Variants in TRAPPC3L observed in about 807,000 individuals in gnomAD.
The protein encoded by TRAPPC3L is trafficking protein particle complex subunit 3L, also known as trafficking protein particle complex subunit 3-like protein.
In TRAPPC3L, 23 loss-of-function variants were observed where a neutral mutation model predicts 23.7. That is an observed-to-expected ratio of 0.97 (90% confidence interval 0.70 to 1.37). The LOEUF (loss-of-function observed/expected upper bound fraction) is 1.37, where lower values mean the gene tolerates loss of function less well. Ranked by LOEUF, TRAPPC3L falls within the 40% of genes most tolerant of loss-of-function variation. The probability of loss-of-function intolerance (pLI) is 0.00; values close to 1 mark genes in which losing one functional copy is unlikely to be tolerated. For missense variants in TRAPPC3L, 212 were observed against 216.8 expected, an observed-to-expected ratio of 0.98 and a Z score of 0.14; for synonymous variants, 81 against 77.9, an observed-to-expected ratio of 1.04 and a Z score of -0.21.
At position 116,512,226 on chromosome 6, in the gene TRAPPC3L, C is replaced by T. The variant is rs201238364; in HGVS notation, c.241-11560G>A. ...GAAGAACTGAAACTCTCCCTTCAGG[C>T]CCAGTCTCAGGTAAGAAAAGACAAA... On this transcript the variant is annotated intron_variant, in intron 3 of 4. Transcript: ENST00000368602. 340 of 1,596,588 alleles carry T rather than the reference C, an allele frequency of 2.1e-4. No homozygotes were observed. The highest frequency in any genetic ancestry group is 2.8e-4 in the Non-Finnish European group (328 of 1,175,280).
intron 3 of TRAPPC3L, among the ~76,000 whole-genome samples, chr6:116,535,347 G>T (rs557278799): frequency 1.3e-5 from 2 of 152,276 alleles, no homozygotes; most frequent in South Asian, 4.1e-4. Context: ...CACTACATTG[G>T]ACATGGTTAG....
chr6:116,522,304 AC>A (rs1452390783), intron 3 of TRAPPC3L: 1 of 152,164 alleles, frequency 6.6e-6, no homozygotes, highest in Admixed American at 6.5e-5. Flanking sequence ...CAACTCCATG[AC>A]CCCAAAAATC....
intron 3 of TRAPPC3L, among the ~76,000 whole-genome samples, chr6:116,530,653 T>C (rs977916197): frequency 5.3e-5 from 8 of 152,246 alleles, no homozygotes; most frequent in African/African-American, 1.9e-4. Context: ...GCATTAACAA[T>C]GTGGTTTCAC....
Position 116,511,106 on chromosome 6 carries a change from G to GTATATA in TRAPPC3L, c.241-10446_241-10441dup, listed in dbSNP as rs59896067. ...GTGCACTAAAATCTCATATATATAT[G>GTATATA]TATATATATATATATGTATATTTAT... On this transcript the variant is annotated intron_variant, in intron 3 of 4. Transcript: ENST00000368602. Among the ~76,000 whole-genome samples, 725 of 140,804 alleles carry GTATATA rather than the reference G, an allele frequency of 5.1e-3. 6 individuals are homozygous for GTATATA. The highest frequency in any genetic ancestry group is 0.023 in the Middle Eastern group (6 of 266). The allele number at this position is 140,804 out of a possible 152,430, so 92.4% of individuals were successfully genotyped here.
chr6:116,528,066 A>C (rs1435526313), intron 3 of TRAPPC3L, among the ~76,000 whole-genome samples: 1 of 152,258 alleles, frequency 6.6e-6, no homozygotes, highest in Non-Finnish European at 1.5e-5. Flanking sequence ...AAAATGGAAG[A>C]TGGACATTCA....
At chr6:116,511,217 T>TTA (rs1554233716) in intron 3 of TRAPPC3L, among the ~76,000 whole-genome samples, 1 of 147,484 alleles carries the variant, frequency 6.8e-6, no homozygotes, top group African/African-American at 2.5e-5. Context: ...TCATATGTTT[T>TTA]TATATATATG....
intron 3 of TRAPPC3L, among the ~76,000 whole-genome samples, chr6:116,508,703 C>G (rs1294392764): frequency 6.6e-6 from 1 of 152,074 alleles, no homozygotes; most frequent in Non-Finnish European, 1.5e-5. Flanking sequence ...ATCTCTAACA[C>G]TAGCCAGTTT....
At chr6:116,497,396 T>G (rs1188295802) in intron 4 of TRAPPC3L, among the ~76,000 whole-genome samples, 1 of 152,180 alleles carries the variant, frequency 6.6e-6, no homozygotes, top group African/African-American at 2.4e-5. Context: ...AGCTCGGGGA[T>G]AGCCTTGACC....
intron 3 of TRAPPC3L, among the ~76,000 whole-genome samples, chr6:116,513,187 G>A (rs1342330155): frequency 6.6e-6 from 1 of 152,060 alleles, no homozygotes; most frequent in Non-Finnish European, 1.5e-5. Flanking sequence ...TTACTTTTTC[G>A]ACAAGGATTT....
chr6:116,530,498 G>A (rs918312933), intron 3 of TRAPPC3L, among the ~76,000 whole-genome samples: 3 of 152,068 alleles, frequency 2.0e-5, no homozygotes, highest in African/African-American at 7.2e-5. Flanking sequence ...AAGTTCAAAG[G>A]GAAACCTAAT....
At chr6:116,498,963 G>T (rs1041011046) in intron 4 of TRAPPC3L, among the ~76,000 whole-genome samples, 6 of 151,966 alleles carry the variant, frequency 3.9e-5, no homozygotes, top group Non-Finnish European at 7.4e-5. Flanking sequence ...CTATTCTAAT[G>T]CTTCTTCAAT....
chr6:116,504,758 G>A (rs1400217518), intron 3 of TRAPPC3L, among the ~76,000 whole-genome samples: 2 of 152,100 alleles, frequency 1.3e-5, no homozygotes, highest in Admixed American at 6.6e-5. Context: ...CAGAACCAAA[G>A]ACAAAAGCCA....
intron 3 of TRAPPC3L, among the ~76,000 whole-genome samples, chr6:116,530,849 A>G (rs999623842): frequency 7.5e-5 from 11 of 147,488 alleles, no homozygotes; most frequent in African/African-American, 2.7e-4. Flanking sequence ...AACAAACACC[A>G]GCATCAGTAA....
At chr6:116,502,210 A>G (rs199699812) in intron 3 of TRAPPC3L, among the ~76,000 whole-genome samples, 9 of 152,330 alleles carry the variant, frequency 5.9e-5, no homozygotes, top group African/African-American at 2.2e-4. Flanking sequence ...ACCACAGTAC[A>G]AGAACTTCAT....
At chr6:116,530,902 C>CACATATATATAT (rs1194839112) in intron 3 of TRAPPC3L, among the ~76,000 whole-genome samples, 1 of 76,470 alleles carries the variant, frequency 1.3e-5, no homozygotes, top group Non-Finnish European at 2.4e-5. Context: ...AAGTGAGACT[C>CACATATATATAT]ATATATATAT....
At chr6:116,497,099 T>C (rs1771844076) in intron 4 of TRAPPC3L, 26 bp from the exon 5 acceptor site, 2 of 1,507,312 alleles carry the variant, frequency 1.3e-6, no homozygotes, top group African/African-American at 1.4e-5. Context: ...AAAACAGGCC[T>C]GTGTCATTCA....
At chr6:116,543,279 T>C in intron 2 of TRAPPC3L, 24 bp downstream of exon 2, 6 of 1,506,766 alleles carry the variant, frequency 4.0e-6, no homozygotes, top group Non-Finnish European at 5.4e-6. Flanking sequence ...AGCCATTCAA[T>C]AAGAATGAAG....
At chr6:116,507,664 G>C (rs1409680961) in intron 3 of TRAPPC3L, among the ~76,000 whole-genome samples, 1 of 152,084 alleles carries the variant, frequency 6.6e-6, no homozygotes, top group Non-Finnish European at 1.5e-5. Context: ...GGTCTTGGTT[G>C]CAGGTATCCC....
At chr6:116,516,662 TATATATATATATATATATATATATATA>T (rs1772231716) in intron 3 of TRAPPC3L, 1 of 1,452 alleles carries the variant, frequency 6.9e-4, no homozygotes, top group Non-Finnish European at 1.5e-3. Context: ...TAGTAACAAA[TATATATATATATATATATATATATATA>T]TATATATATA....
Sources: gnomAD v4.1 joint callset for allele counts (sites outside exome capture counted in the v4.1 genomes callset) on GRCh38, gnomAD v4.1.1 for gene constraint, MANE v1.5 for transcripts, NCBI Gene and HGNC (gene_info 2026-07-23, HGNC 2026-07-21) for gene names.